Variants in RORB observed in about 807,000 individuals in gnomAD.
The protein encoded by RORB is RAR related orphan receptor B.
In RORB, 6 loss-of-function variants were observed where a neutral mutation model predicts 59.1. That is an observed-to-expected ratio of 0.10 (90% confidence interval 0.06 to 0.20). The LOEUF (loss-of-function observed/expected upper bound fraction) is 0.20. RORB is among the 10% of genes least tolerant of loss of function. The pLI is 1.00. For missense variants in RORB, 320 were observed against 560.5 expected, an observed-to-expected ratio of 0.57 and a Z score of 4.33; for synonymous variants, 215 against 204.5, an observed-to-expected ratio of 1.05 and a Z score of -0.44.
At chr9:74,498,555 C>T (rs1296921744) in intron 1 of RORB, 1 of 152,494 alleles carries the variant, frequency 6.6e-6, no homozygotes, top group Non-Finnish European at 1.5e-5. Flanking sequence ...CAGTTAGTTC[C>T]CCGGCACGCG....
chr9:74,603,243 A>G (rs867412357), intron 1 of RORB, among the ~76,000 whole-genome samples: 1 of 152,170 alleles, frequency 6.6e-6, no homozygotes, highest in African/African-American at 2.4e-5. Flanking sequence ...GGCACTCATC[A>G]TGTCTGGGCT....
At chr9:74,530,861 T>C (rs1288801307) in intron 1 of RORB, among the ~76,000 whole-genome samples, 2 of 152,032 alleles carry the variant, frequency 1.3e-5, no homozygotes, top group Non-Finnish European at 2.9e-5. Context: ...CTCCTAATGC[T>C]ATCCTTCCCC....
intron 1 of RORB, among the ~76,000 whole-genome samples, chr9:74,581,357 G>A (rs1227132036): frequency 6.6e-6 from 1 of 152,126 alleles, no homozygotes; most frequent in Non-Finnish European, 1.5e-5. Context: ...TACATCAGCT[G>A]ACTAATAAAC....
intron 4 of RORB, among the ~76,000 whole-genome samples, chr9:74,644,841 C>T (rs1057205166): frequency 1.3e-5 from 2 of 152,090 alleles, no homozygotes; most frequent in East Asian, 3.8e-4. Context: ...TATGATTTAG[C>T]AACCACATTA....
rs12343179 is a variant in RORB, at chr9:74,660,513, C to A, written c.638-104C>A. On this transcript the variant is annotated intron_variant, in intron 4 of 9. Coordinates refer to ENST00000376896, the MANE Select transcript of RORB (RefSeq NM_006914.4). Reference sequence around the variant, plus strand: ...TAGCAATGTTAAAGACACTTTAATACAATAGGAGTATCTCCAAAAGGCATT... The same window carrying A: ...TAGCAATGTTAAAGACACTTTAATAAAATAGGAGTATCTCCAAAAGGCATT... The A allele has an allele frequency of 0.018, 17,774 of 984,422 alleles. 1,933 individuals carry two copies. In the African/African-American group the frequency reaches 0.25, roughly 14 times the overall value. 61.0% of individuals were successfully genotyped at this position (984,422 alleles called of 1,614,324 possible). A position where few individuals can be genotyped will look rare whatever the true frequency, so the allele number is the denominator to read the frequency against.
At chr9:74,658,031 A>G (rs917820116) in intron 4 of RORB, among the ~76,000 whole-genome samples, 8 of 150,222 alleles carry the variant, frequency 5.3e-5, no homozygotes, top group African/African-American at 2.0e-4. Flanking sequence ...AAAAAAAAGA[A>G]AAGAAAAGAA....
intron 1 of RORB, among the ~76,000 whole-genome samples, chr9:74,618,135 ACACACACACG>A (rs1823343181): frequency 1.3e-5 from 2 of 152,204 alleles, no homozygotes; most frequent in African/African-American, 4.8e-5. Context: ...ACAGACGCAC[ACACACACACG>A]CACACACACG....
intron 1 of RORB, among the ~76,000 whole-genome samples, chr9:74,580,541 A>G (rs1213759964): frequency 2.6e-5 from 4 of 152,186 alleles, no homozygotes; most frequent in African/African-American, 9.6e-5. Flanking sequence ...TGGGAAGATT[A>G]GAGAGACTAC....
At chr9:74,650,179 C>T (rs2118483541) in intron 4 of RORB, among the ~76,000 whole-genome samples, 1 of 152,312 alleles carries the variant, frequency 6.6e-6, no homozygotes, top group Middle Eastern at 3.4e-3. Context: ...TATGAAGTGA[C>T]CTCAGAATCA....
intron 1 of RORB, among the ~76,000 whole-genome samples, chr9:74,590,656 G>C (rs1232642095): frequency 6.6e-6 from 1 of 152,066 alleles, no homozygotes; most frequent in African/African-American, 2.4e-5. Flanking sequence ...GCCAGCTAGG[G>C]GTTCTGTCTG....
chr9:74,608,504 C>T (rs550490399), intron 1 of RORB, among the ~76,000 whole-genome samples: 101 of 146,888 alleles, frequency 6.9e-4, no homozygotes, highest in Non-Finnish European at 1.4e-3. Flanking sequence ...GCGGAGCTTG[C>T]AGTGAGCCGA....
In RORB at chr9:74,550,089, A is replaced by G. The variant is rs1362708919; in HGVS notation, c.7+52106A>G. 1.3e-5 allele frequency among the ~76,000 whole-genome samples: 2 copies of G among 152,134 alleles called. 1 individual carries two copies. Among genetic ancestry groups the G allele is most frequent in the African/African-American group, 4.8e-5 (2 of 41,434 alleles). On this transcript the variant is annotated intron_variant, in intron 1 of 9. Coordinates refer to ENST00000376896, the MANE Select transcript of RORB (RefSeq NM_006914.4). ...ACTAAGCAATTGCATCAATTTAGAA[A>G]CGTGAATTCAAAATGTTCTTATCAA...
At chr9:74,540,706 A>G (rs1173560395) in intron 1 of RORB, among the ~76,000 whole-genome samples, 1 of 152,162 alleles carries the variant, frequency 6.6e-6, no homozygotes, top group East Asian at 1.9e-4. Flanking sequence ...TTTAATTTAA[A>G]TGCTTCTCTG....
rs73545356 is a variant in RORB at position 74,560,664 on chromosome 9, T to G, written c.7+62681T>G. 4.2e-3 allele frequency among the ~76,000 whole-genome samples: 641 copies of G among 151,666 alleles called. 5 individuals carry two copies. Among genetic ancestry groups the G allele is most frequent in the African/African-American group, 0.015 (619 of 41,472 alleles). On this transcript the variant is annotated intron_variant, in intron 1 of 9. Coordinates refer to ENST00000376896, the MANE Select transcript of RORB (RefSeq NM_006914.4). ...TTCTTTTGAAATTTTTCTGATAAAT[T>G]TGTCTAATAATAATTTATATAATAA... is the stretch of plus-strand genomic sequence containing the variant.
At position 74,685,961 on chromosome 9, in the gene RORB, T is replaced by G. The variant is rs1774367399; in HGVS notation, c.*343T>G. 1 of 162,402 alleles carries G rather than the reference T, an allele frequency of 6.2e-6. No homozygotes were observed. The highest frequency in any genetic ancestry group is 6.4e-5 in the Admixed American group (1 of 15,622). 10.1% of individuals were successfully genotyped at this position (162,402 alleles called of 1,614,324 possible). A position where few individuals can be genotyped will look rare whatever the true frequency, so the allele number is the denominator to read the frequency against. On this transcript the variant is annotated 3_prime_UTR_variant, in exon 10 of 10. Coordinates refer to ENST00000376896, the MANE Select transcript of RORB (RefSeq NM_006914.4). ...AAAGAGCGGTACTTTACATGATTAC[T>G]TTTCCTGTTGATTGTTCAAATATAA...
intron 1 of RORB, among the ~76,000 whole-genome samples, chr9:74,610,783 A>G (rs988484457): frequency 6.6e-6 from 1 of 152,228 alleles, no homozygotes; most frequent in Non-Finnish European, 1.5e-5. Context: ...AAACATGAGC[A>G]TGCCTCAGAA....
intron 9 of RORB, among the ~76,000 whole-genome samples, chr9:74,681,727 C>G (rs1824550497): frequency 6.6e-6 from 1 of 152,122 alleles, no homozygotes; most frequent in Admixed American, 6.5e-5. Context: ...AAATGAGCAA[C>G]TATAAAATGG....
At chr9:74,498,151 T>C in intron 1 of RORB, 168 bp downstream of exon 1, 1 of 771,826 alleles carries the variant, frequency 1.3e-6, no homozygotes, top group Non-Finnish European at 2.1e-6. Flanking sequence ...GCGTAGAAAG[T>C]TGCGGGAAGG....
chr9:74,621,745 C>T (rs1823423243), intron 1 of RORB, among the ~76,000 whole-genome samples: 1 of 152,188 alleles, frequency 6.6e-6, no homozygotes, highest in African/African-American at 2.4e-5. Flanking sequence ...TCCTCTCCAG[C>T]ATTTGGTATT....
Sources: gnomAD v4.1 joint callset for allele counts (sites outside exome capture counted in the v4.1 genomes callset) on GRCh38, gnomAD v4.1.1 for gene constraint, MANE v1.5 for transcripts, NCBI Gene and HGNC (gene_info 2026-07-23, HGNC 2026-07-21) for gene names.